SLC16A5: variants seen among roughly 807,000 people sequenced by gnomAD.
SLC16A5 encodes the protein monocarboxylate transporter 6.
SLC16A5 carries 29 observed loss-of-function variants against 33.2 expected under a neutral mutation model. The observed-to-expected ratio is 0.87, with a 90% CI of 0.65 to 1.19. The LOEUF (loss-of-function observed/expected upper bound fraction) is 1.19. Ranked by LOEUF, SLC16A5 falls within the 50% of genes most tolerant of loss-of-function variation. The pLI is 0.00. For missense variants in SLC16A5, 606 were observed against 678.2 expected (o/e 0.89, Z 1.18); for synonymous variants, 248 against 284.1 (o/e 0.87, Z 1.28).
At chr17:75,092,848 TG>T in intron 2 of SLC16A5, among the ~76,000 whole-genome samples, 1 of 142,654 alleles carries the variant, frequency 7.0e-6, no homozygotes, top group Non-Finnish European at 1.5e-5. Flanking sequence ...TGTGTGTGTG[TG>T]TGTGTGTGTG....
At chr17:75,088,387 A>G (rs2073595766) in intron 1 of SLC16A5, among the ~76,000 whole-genome samples, 1 of 152,190 alleles carries the variant, frequency 6.6e-6, no homozygotes, top group Admixed American at 6.5e-5. Flanking sequence ...GGGGATGGGC[A>G]GGGCGAGAGT....
At chr17:75,095,166 G>A (rs1404241500) in intron 3 of SLC16A5, among the ~76,000 whole-genome samples, 4 of 152,222 alleles carry the variant, frequency 2.6e-5, no homozygotes, top group Non-Finnish European at 4.4e-5. Context: ...CAAACTGGGA[G>A]GGAGGTGAGG....
chr17:75,093,039 C>G (rs2073663638), intron 2 of SLC16A5, among the ~76,000 whole-genome samples: 1 of 152,040 alleles, frequency 6.6e-6, no homozygotes. Flanking sequence ...TGTGTATGCT[C>G]TGTGGCTGCT....
chr17:75,109,205 C>T (rs1176923718), downstream of SLC16A5, among the ~76,000 whole-genome samples: 1 of 152,202 alleles, frequency 6.6e-6, no homozygotes, highest in Non-Finnish European at 1.5e-5. The surrounding 1 kb of genome is among the most constrained non-coding windows in gnomAD (Gnocchi z 5.0). Flanking sequence ...GAAAGCGCCA[C>T]AATCAAGGCT....
rs2073859492 is a variant in SLC16A5 at position 75,106,025 on chromosome 17, CCT to C, written c.1511_1512del (p.Pro504HisfsTer20). On this transcript the variant is annotated frameshift_variant, in exon 7 of 7. Coordinates refer to ENST00000329783, the MANE Select transcript of SLC16A5 (RefSeq NM_004695.4). LOFTEE classifies it high-confidence loss of function. ...AKQTALGWNS[P>X]T ...GCAAACGGCTCTGGGCTGGAATAGC[CCT>C]ACCTGAGTGCCCTGTTTGACTCCGC... The C allele has an allele frequency of 6.5e-7, 1 of 1,537,878 alleles. No individual in the cohort carries two copies.
chr17:75,101,221 G>T (rs866628537), intron 5 of SLC16A5, among the ~76,000 whole-genome samples: 1 of 142,284 alleles, frequency 7.0e-6, no homozygotes, highest in African/African-American at 2.6e-5. Flanking sequence ...TGCACTCCAG[G>T]CTGGGCAACA....
chr17:75,100,778 T>A lies in SLC16A5; in HGVS notation c.1115T>A (p.Leu372Gln), dbSNP rs779531952. The A allele has an allele frequency of 1.2e-5, 19 of 1,609,262 alleles. No homozygotes were observed. The East Asian group carries it at 4.2e-4, about 36-fold the overall frequency. The change falls in exon 5 of 7, where the codon CTG becomes CAG. Residue 372 changes from leucine (L) to glutamine (Q), a missense_variant. Physicochemically the swap from Leu to Gln is moderately radical, Grantham distance 113. Transcript: ENST00000329783. ...AGAGCCCTGGGACTCTTCACTGTCC[T>A]GGACGGCCTTGCTTTCCTCATCTCC... ...FPRALGLFTV[L>Q]DGLAFLISPP... is the part of the protein sequence containing the mutation.
chr17:75,092,255 C>T (rs993043481), intron 2 of SLC16A5, among the ~76,000 whole-genome samples: 32 of 151,652 alleles, frequency 2.1e-4, no homozygotes, highest in South Asian at 2.1e-4. Context: ...TTGTGTGTGA[C>T]GGTACATATC....
At chr17:75,107,303 C>T (rs925408956), downstream of SLC16A5, among the ~76,000 whole-genome samples, 1 of 141,398 alleles carries the variant, frequency 7.1e-6, no homozygotes, top group African/African-American at 2.6e-5. Context: ...CCCCCCTTCC[C>T]AAAAAAAAAA....
chr17:75,105,056 T>A (rs1431979259), intron 6 of SLC16A5: 1 of 985,330 alleles, frequency 1.0e-6, no homozygotes, highest in Non-Finnish European at 1.2e-6. Flanking sequence ...AGCCCTCACC[T>A]GTAGGGCAGC....
chr17:75,091,698 C>T (rs189939197), intron 2 of SLC16A5, among the ~76,000 whole-genome samples: 54 of 152,274 alleles, frequency 3.5e-4, no homozygotes, highest in Non-Finnish European at 6.6e-4. Flanking sequence ...GTCCGAGTTT[C>T]CCCAGAGCTT....
chr17:75,088,973 T>C (rs1232800922), intron 1 of SLC16A5, 178 bp from the exon 2 acceptor site: 2 of 152,238 alleles, frequency 1.3e-5, no homozygotes, highest in Non-Finnish European at 2.9e-5. Context: ...TCCAGCTTCA[T>C]GGCACTGTGC....
At chr17:75,101,059 C>T (rs1024072721) in intron 5 of SLC16A5, among the ~76,000 whole-genome samples, 28 of 139,884 alleles carry the variant, frequency 2.0e-4, no homozygotes, top group Middle Eastern at 5.1e-3. Flanking sequence ...CCATCCTGGC[C>T]AACATGGTGA....
rs552837896 is a variant in SLC16A5, at chr17:75,091,320, T to C, written c.-49+2016T>C. Among the ~76,000 whole-genome samples the C allele has an allele frequency of 1.8e-4, 27 of 152,138 alleles. No homozygotes were observed. The South Asian group carries it at 5.6e-3, about 32-fold the overall frequency. The stretch of plus-strand genomic sequence containing the variant: ...CCGTTTGCTGAGGGAACAGAAATCT[T>C]GGGAGAGGCCAGGGCTAGTTTGCTG... On this transcript the variant is annotated intron_variant, in intron 2 of 6. Coordinates refer to ENST00000329783, the MANE Select transcript of SLC16A5 (RefSeq NM_004695.4).
chr17:75,105,044 C>T, intron 6 of SLC16A5: 4 of 985,466 alleles, frequency 4.1e-6, no homozygotes, highest in Non-Finnish European at 4.8e-6. Flanking sequence ...CCCAAGTGAC[C>T]CAGCCCTCAC....
chr17:75,105,756 C>G (rs755505577), intron 6 of SLC16A5, 124 bp from the exon 7 acceptor site: 4 of 1,419,298 alleles, frequency 2.8e-6, no homozygotes, highest in Non-Finnish European at 3.7e-6. Flanking sequence ...AGTACGTTTC[C>G]CCTCACCCTT....
intron 6 of SLC16A5, chr17:75,105,392 AATGGGGCT>A: frequency 5.1e-6 from 5 of 985,378 alleles, no homozygotes; most frequent in Non-Finnish European, 6.0e-6. Context: ...CTGTTGTGAA[AATGGGGCT>A]GCTTTTGCAA....
chr17:75,094,649 G>A (rs2073691344), intron 3 of SLC16A5, among the ~76,000 whole-genome samples: 1 of 148,892 alleles, frequency 6.7e-6, no homozygotes, highest in African/African-American at 2.5e-5. Context: ...TGGTGCCATT[G>A]CACTCCAGCC....
intron 6 of SLC16A5, chr17:75,104,678 G>A (rs1422898250): frequency 5.1e-6 from 4 of 782,978 alleles, no homozygotes; most frequent in Non-Finnish European, 6.2e-6. Context: ...TCCAACTTCC[G>A]ACCTCAGGTG....
Sources: allele counts gnomAD v4.1 joint callset (sites outside exome capture counted in the v4.1 genomes callset), GRCh38; gene constraint gnomAD v4.1.1; non-coding constraint Gnocchi (gnomAD v3.1); transcripts MANE v1.5; gene names NCBI Gene and HGNC (gene_info 2026-07-23, HGNC 2026-07-21).